KIAA0586: variants seen among roughly 807,000 people sequenced by gnomAD.
KIAA0586 encodes the protein KIAA0586.
In KIAA0586, 144 loss-of-function variants were observed where a neutral mutation model predicts 169.8. That is an observed-to-expected ratio of 0.85 (90% CI 0.74 to 0.97). The LOEUF (loss-of-function observed/expected upper bound fraction) is 0.97. Ranked by LOEUF, KIAA0586 falls within the 50% of genes least tolerant of loss-of-function variation. KIAA0586 has a pLI of 0.00. For synonymous variants in KIAA0586, 625 were observed against 612.4 expected (o/e 1.02, Z -0.30); for missense variants, 1,854 against 1,823.0 (o/e 1.02, Z -0.31).
chr14:58,486,632 A>G (rs1028540768), intron 21 of KIAA0586, among the ~76,000 whole-genome samples: 2 of 152,242 alleles, frequency 1.3e-5, no homozygotes, highest in South Asian at 4.1e-4. Flanking sequence ...TACACTTGCT[A>G]TGTACCCACA....
intron 16 of KIAA0586, 119 bp from the exon 17 acceptor site, chr14:58,470,494 A>C (rs1306003137): frequency 4.8e-6 from 2 of 414,370 alleles, no homozygotes; most frequent in East Asian, 3.9e-5. Context: ...CTTAAAGGGC[A>C]TGCTTTGTTT....
intron 12 of KIAA0586, 125 bp from the exon 13 acceptor site, chr14:58,459,718 T>C (rs1190617046): frequency 4.0e-6 from 2 of 494,666 alleles, no homozygotes; most frequent in African/African-American, 4.0e-5. Context: ...TCCTTTATTT[T>C]TAATGCATTT....
chr14:58,551,815 A>G (rs2047212730), downstream of KIAA0586, among the ~76,000 whole-genome samples: 1 of 152,188 alleles, frequency 6.6e-6, no homozygotes, highest in Non-Finnish European at 1.5e-5. Flanking sequence ...CTTTTAAAAG[A>G]TGTCCTGATG....
At position 58,508,758 on chromosome 14, in the gene KIAA0586, A is replaced by G. The variant is rs767778567; in HGVS notation, c.4323+49A>G. On this transcript the variant is annotated intron_variant, in intron 28 of 30. Coordinates refer to ENST00000652326, the MANE Select transcript of KIAA0586 (RefSeq NM_001329943.3). ...TTTTACTTAAAATGAGAATTGAAAC[A>G]CTGTTGCCTTAGCGTGGTACCCCGT... The G allele has an allele frequency of 2.5e-5, 37 of 1,460,088 alleles. No homozygotes were observed. The East Asian group carries it at 7.8e-4, about 31-fold the overall frequency. The allele number at this position is 1,460,088 out of a possible 1,614,324, so 90.4% of individuals were successfully genotyped here.
rs2140368475 is a variant in KIAA0586, at chr14:58,427,888, C to G, written c.-377C>G. 7.3e-7 allele frequency: 1 copy of G among 1,367,210 alleles called. No individual in the cohort carries two copies. Among genetic ancestry groups the G allele is most frequent in the Non-Finnish European group, 9.6e-7 (1 of 1,043,366 alleles). The allele number at this position is 1,367,210 out of a possible 1,614,324, so 84.7% of individuals were successfully genotyped here. Reference sequence around the variant, plus strand: ...TCATTATTTTAAAAATAGCATTTCGCTTTTATTTGCTTGACTGCCTCTTCT... The same window carrying G: ...TCATTATTTTAAAAATAGCATTTCGGTTTTATTTGCTTGACTGCCTCTTCT... On this transcript the variant is annotated 5_prime_UTR_variant, in exon 1 of 31. Coordinates refer to ENST00000652326, the MANE Select transcript of KIAA0586 (RefSeq NM_001329943.3).
intron 29 of KIAA0586, among the ~76,000 whole-genome samples, chr14:58,534,568 T>C (rs554220842): frequency 1.3e-5 from 2 of 152,302 alleles, no homozygotes; most frequent in East Asian, 3.9e-4. Context: ...GTATCCTAGA[T>C]AGTAAGCCCT....
chr14:58,546,532 G>T (rs551560463), intron 30 of KIAA0586, among the ~76,000 whole-genome samples: 143 of 152,222 alleles, frequency 9.4e-4, no homozygotes, highest in Middle Eastern at 3.4e-3. Context: ...ATTGTTTAAG[G>T]TAATTTATTT....
intron 8 of KIAA0586, among the ~76,000 whole-genome samples, chr14:58,451,051 C>T (rs557995617): frequency 3.6e-5 from 5 of 140,502 alleles, no homozygotes; most frequent in East Asian, 4.2e-4. Flanking sequence ...TGCAGTGGTG[C>T]GATCTCGGCT....
chr14:58,539,948 C>T lies in KIAA0586; in HGVS notation c.4430-123C>T, dbSNP rs2046538332. On this transcript the variant is annotated intron_variant, in intron 29 of 30. Transcript: ENST00000652326. ...GGCCACTAGATCAAACTTCTGTTTACCTGGTTTTATGAGAATAACGGTGGG... is the reference window on the plus strand; with the variant it reads ...GGCCACTAGATCAAACTTCTGTTTATCTGGTTTTATGAGAATAACGGTGGG... 1.2e-5 allele frequency: 7 copies of T among 578,442 alleles called. No individual in the cohort carries two copies. In the South Asian group the frequency reaches 1.5e-4, roughly 13 times the overall value. 35.8% of individuals were successfully genotyped at this position (578,442 alleles called of 1,614,324 possible). A position where few individuals can be genotyped will look rare whatever the true frequency, so the allele number is the denominator to read the frequency against.
Position 58,487,015 on chromosome 14 carries a change from G to A in KIAA0586, c.3153G>A (p.Val1051=). Residue 1051 remains valine (V), a synonymous_variant, in exon 22 of 31, where the codon GTG becomes GTA. Coordinates refer to ENST00000652326, the MANE Select transcript of KIAA0586 (RefSeq NM_001329943.3). The part of the protein sequence containing the change: ...STNETYLPAR[V]CTPLPTPQPT... ...TGTTTTATTTATTTTAGGCAAGAGT[G>A]TGCACCCCACTGCCTACCCCACAGC... The A allele has an allele frequency of 6.2e-7, 1 of 1,604,132 alleles. No individual in the cohort carries two copies. Among genetic ancestry groups the A allele is most frequent in the East Asian group, 2.2e-5 (1 of 44,808 alleles).
intron 9 of KIAA0586, among the ~76,000 whole-genome samples, chr14:58,455,236 TCTTATACTTTC>T (rs1566817239): frequency 1.5e-4 from 1 of 6,588 alleles, no homozygotes; most frequent in Non-Finnish European, 7.2e-3. Context: ...AAGACTTCAT[TCTTATACTTTC>T]CTTTAATTTT....
intron 4 of KIAA0586, among the ~76,000 whole-genome samples, chr14:58,432,902 G>T (rs538800518): frequency 6.6e-5 from 10 of 152,082 alleles, no homozygotes; most frequent in African/African-American, 2.4e-4. Context: ...TATTTGTAGA[G>T]ATGGGGTTTC....
chr14:58,432,517 ACTTT>A, intron 4 of KIAA0586, 60 bp downstream of exon 4: 2 of 909,336 alleles, frequency 2.2e-6, no homozygotes, highest in Non-Finnish European at 3.4e-6. Context: ...CTTCATTTGT[ACTTT>A]GGACATATGA....
intron 29 of KIAA0586, among the ~76,000 whole-genome samples, chr14:58,536,551 A>G (rs961755315): frequency 6.6e-6 from 1 of 152,214 alleles, no homozygotes; most frequent in African/African-American, 2.4e-5. Flanking sequence ...ACTAACTATA[A>G]CATGGTTTAC....
intron 30 of KIAA0586, among the ~76,000 whole-genome samples, chr14:58,547,553 T>C (rs932013826): frequency 6.6e-6 from 1 of 152,158 alleles, no homozygotes; most frequent in Non-Finnish European, 1.5e-5. Context: ...TTTTAGCTTG[T>C]ATACTGATGT....
intron 24 of KIAA0586, 136 bp downstream of exon 24, chr14:58,489,010 C>A: frequency 2.2e-6 from 2 of 889,860 alleles, no homozygotes; most frequent in Non-Finnish European, 3.3e-6. Flanking sequence ...GGACTCAATG[C>A]AATTTAGTTA....
chr14:58,495,949 C>A (rs2043134673), intron 26 of KIAA0586, among the ~76,000 whole-genome samples: 1 of 152,090 alleles, frequency 6.6e-6, no homozygotes, highest in Non-Finnish European at 1.5e-5. Flanking sequence ...GATCCCTTTC[C>A]CATGTCACAC....
intron 5 of KIAA0586, among the ~76,000 whole-genome samples, chr14:58,443,674 T>TGGCCTC (rs1322511928): frequency 6.6e-6 from 1 of 152,096 alleles, no homozygotes; most frequent in Non-Finnish European, 1.5e-5. Flanking sequence ...CTGCCTGCCT[T>TGGCCTC]GGCCTCCCAA....
intron 26 of KIAA0586, among the ~76,000 whole-genome samples, chr14:58,496,422 A>G (rs1240588744): frequency 1.3e-5 from 2 of 152,242 alleles, no homozygotes; most frequent in East Asian, 3.8e-4. Flanking sequence ...GTAGACTGTC[A>G]GAGTAATATA....
Sources: gnomAD v4.1 joint callset for allele counts (sites outside exome capture counted in the v4.1 genomes callset) on GRCh38, gnomAD v4.1.1 for gene constraint, MANE v1.5 for transcripts, NCBI Gene and HGNC (gene_info 2026-07-23, HGNC 2026-07-21) for gene names.